The following TMTC1 variants were observed in gnomAD, a reference collection of about 807,000 sequenced individuals.
The protein encoded by TMTC1 is transmembrane O-mannosyltransferase targeting cadherins 1, also known as protein O-mannosyl-transferase TMTC1.
Under a neutral mutation model 104.8 loss-of-function variants are expected in TMTC1, and 73 were observed. The observed-to-expected ratio is 0.70, with a 90% CI of 0.58 to 0.85. TMTC1 has a LOEUF of 0.85. Ranked by LOEUF, TMTC1 falls within the 40% of genes least tolerant of loss-of-function variation. TMTC1 has a pLI of 0.00. For synonymous variants in TMTC1, 434 were observed against 428.7 expected (o/e 1.01, Z -0.15); for missense variants, 1,035 against 1,096.1 (o/e 0.94, Z 0.79).
rs1487374789 is a variant in TMTC1, at chr12:29,611,593, A to T, written c.1129-7294T>A. Among the ~76,000 whole-genome samples, 302 of 152,356 alleles carry T rather than the reference A, an allele frequency of 2.0e-3. 4 individuals are homozygous for T. The highest frequency in any genetic ancestry group is 1.0e-4 in the Non-Finnish European group (7 of 68,040). On this transcript the variant is annotated intron_variant, in intron 6 of 17. Coordinates refer to ENST00000539277, the MANE Select transcript of TMTC1 (RefSeq NM_001193451.2). ...TTCCTGATTAGAATGCAACTATTAC[A>T]GGAATTTATGATGACATAGAAAAAG...
intron 7 of TMTC1, among the ~76,000 whole-genome samples, chr12:29,591,315 T>C (rs750232938): frequency 5.9e-5 from 9 of 152,052 alleles, no homozygotes; most frequent in Non-Finnish European, 1.0e-4. Flanking sequence ...CTTTTGAAAG[T>C]GGGAAGTCAA....
At chr12:29,620,567 TG>T (rs1372239243) in intron 6 of TMTC1, among the ~76,000 whole-genome samples, 1 of 152,196 alleles carries the variant, frequency 6.6e-6, no homozygotes, top group African/African-American at 2.4e-5. Flanking sequence ...TAAAAGTATG[TG>T]GGAAGGTCAG....
At chr12:29,562,074 A>C (rs557404208) in intron 9 of TMTC1, among the ~76,000 whole-genome samples, 105 of 152,330 alleles carry the variant, frequency 6.9e-4, no homozygotes, top group Non-Finnish European at 1.2e-3. Flanking sequence ...TAAGTGCATG[A>C]TTCCTTCATG....
chr12:29,648,220 G>C (rs748622813), intron 5 of TMTC1, among the ~76,000 whole-genome samples: 2 of 152,118 alleles, frequency 1.3e-5, no homozygotes, highest in Non-Finnish European at 2.9e-5. Flanking sequence ...CTGGGCATCT[G>C]GACTTCAGAA....
At chr12:29,583,364 GAAAT>G (rs765354008) in intron 8 of TMTC1, 39 bp downstream of exon 8, 5 of 1,573,828 alleles carry the variant, frequency 3.2e-6, no homozygotes, top group Non-Finnish European at 2.6e-6. Flanking sequence ...TGTAAGCAAA[GAAAT>G]AAACAGGAAG....
At chr12:29,736,026 C>A (rs1942662959) in intron 5 of TMTC1, among the ~76,000 whole-genome samples, 1 of 152,142 alleles carries the variant, frequency 6.6e-6, no homozygotes, top group Non-Finnish European at 1.5e-5. Context: ...GGTACATTTT[C>A]TTCCTGGCCA....
chr12:29,526,875 A>C (rs556657683), intron 11 of TMTC1, among the ~76,000 whole-genome samples: 1 of 152,338 alleles, frequency 6.6e-6, no homozygotes, highest in African/African-American at 2.4e-5. Flanking sequence ...ACATATCAGA[A>C]TTTTAGGAAT....
chr12:29,714,422 A>T (rs1942022159), intron 5 of TMTC1, among the ~76,000 whole-genome samples: 1 of 152,154 alleles, frequency 6.6e-6, no homozygotes, highest in Non-Finnish European at 1.5e-5. Context: ...TTCATTGAGG[A>T]TATTCTTAAG....
chr12:29,779,269 C>A (rs940040461), intron 1 of TMTC1, among the ~76,000 whole-genome samples: 9 of 152,230 alleles, frequency 5.9e-5, no homozygotes, highest in African/African-American at 2.2e-4. Context: ...TCACTTTCAC[C>A]TTCCAAATCT....
chr12:29,774,737 T>C (rs1165153003), intron 1 of TMTC1, among the ~76,000 whole-genome samples: 1 of 152,246 alleles, frequency 6.6e-6, no homozygotes, highest in Non-Finnish European at 1.5e-5. Context: ...AAAATCCCTT[T>C]GGCCCTCAAT....
chr12:29,691,375 C>T (rs1454572852), intron 5 of TMTC1, among the ~76,000 whole-genome samples: 2 of 152,108 alleles, frequency 1.3e-5, no homozygotes, highest in Non-Finnish European at 2.9e-5. Flanking sequence ...CTCCCCACTT[C>T]GCAAGCCCCT....
At chr12:29,569,994 T>C (rs750477898) in intron 9 of TMTC1, among the ~76,000 whole-genome samples, 12 of 152,216 alleles carry the variant, frequency 7.9e-5, no homozygotes, top group South Asian at 2.1e-4. Flanking sequence ...GTTTAATTTA[T>C]ACCTTTGCTC....
chr12:29,701,974 C>T (rs899158), intron 5 of TMTC1, among the ~76,000 whole-genome samples: 152,242 of 152,364 alleles, frequency 1, 76,060 homozygotes, highest in Middle Eastern at 1. Context: ...TTCCCTAATA[C>T]AATTGCAGGT....
chr12:29,637,066 G>A (rs903146506), intron 5 of TMTC1, among the ~76,000 whole-genome samples: 7 of 137,342 alleles, frequency 5.1e-5, no homozygotes, highest in Non-Finnish European at 3.1e-5. Context: ...GTTTCAAAAT[G>A]AAACGAAACA....
intron 6 of TMTC1, among the ~76,000 whole-genome samples, chr12:29,621,833 G>C (rs1011497488): frequency 2.0e-5 from 3 of 152,072 alleles, no homozygotes; most frequent in African/African-American, 7.2e-5. Flanking sequence ...GAGATGAGAA[G>C]GCCCTCCCTG....
At chr12:29,613,794 T>C (rs1262826729) in intron 6 of TMTC1, 3 of 196,918 alleles carry the variant, frequency 1.5e-5, no homozygotes, top group African/African-American at 2.4e-5. Context: ...ATAGCTCAAA[T>C]GTTTCTGTTA....
At chr12:29,608,970 A>AT (rs1173169494) in intron 6 of TMTC1, among the ~76,000 whole-genome samples, 1 of 152,142 alleles carries the variant, frequency 6.6e-6, no homozygotes, top group Non-Finnish European at 1.5e-5. Context: ...TTTGATACAC[A>AT]TGTATGCACC....
chr12:29,734,672 A>G (rs1017695843), intron 5 of TMTC1, among the ~76,000 whole-genome samples: 1 of 152,152 alleles, frequency 6.6e-6, no homozygotes, highest in Non-Finnish European at 1.5e-5. Context: ...GGGCTGCCAC[A>G]CTAGCGATTT....
intron 5 of TMTC1, among the ~76,000 whole-genome samples, chr12:29,639,209 G>A (rs1433760286): frequency 1.3e-5 from 2 of 152,150 alleles, no homozygotes; most frequent in South Asian, 2.1e-4. Context: ...TTACATAGTT[G>A]AGAACAGTGT....
Sources: gnomAD v4.1 joint callset for allele counts (sites outside exome capture counted in the v4.1 genomes callset) on GRCh38, gnomAD v4.1.1 for gene constraint, MANE v1.5 for transcripts, NCBI Gene and HGNC (gene_info 2026-07-23, HGNC 2026-07-21) for gene names.